The following MYO16 variants were observed in gnomAD, a reference collection of about 807,000 sequenced individuals.
MYO16 encodes the protein unconventional myosin-XVI.
In MYO16, 94 loss-of-function variants were observed where a neutral mutation model predicts 205.3. The observed-to-expected ratio is 0.46, with a 90% CI of 0.39 to 0.54. MYO16 has a LOEUF of 0.54. Among genes scored for constraint, MYO16 ranks in the 20% least tolerant of loss-of-function variants. The pLI, the probability that MYO16 is intolerant of heterozygous loss-of-function variation, is 0.00. For missense variants in MYO16, 2,315 were observed against 2,387.5 expected, an observed-to-expected ratio of 0.97 and a Z score of 0.63; for synonymous variants, 988 against 954.0, an observed-to-expected ratio of 1.04 and a Z score of -0.66.
At chr13:108,756,503 T>C (rs1270117342) in intron 4 of MYO16, among the ~76,000 whole-genome samples, 1 of 152,132 alleles carries the variant, frequency 6.6e-6, no homozygotes, top group East Asian at 1.9e-4. Flanking sequence ...ATAAATTATA[T>C]TCCTTCTTAA....
chr13:109,078,954 G>A (rs988730753), intron 27 of MYO16, among the ~76,000 whole-genome samples: 11 of 152,088 alleles, frequency 7.2e-5, no homozygotes, highest in Admixed American at 2.6e-4. Flanking sequence ...TCATATGCAC[G>A]TACTGATCTG....
intron 5 of MYO16, among the ~76,000 whole-genome samples, chr13:108,787,303 A>G (rs1886487657): frequency 6.6e-6 from 1 of 152,204 alleles, no homozygotes; most frequent in Non-Finnish European, 1.5e-5. Flanking sequence ...TATGTTGGTC[A>G]TACTGCAATG....
chr13:109,114,153 G>A (rs1875552800), intron 28 of MYO16, among the ~76,000 whole-genome samples: 1 of 152,126 alleles, frequency 6.6e-6, no homozygotes, highest in African/African-American at 2.4e-5. Context: ...AGGGGACCAG[G>A]TGAGCTTGTC....
At chr13:108,515,976 G>A in the MYO16 span, among the ~76,000 whole-genome samples, 38 of 124,748 alleles carry the variant, frequency 3.0e-4, no homozygotes, top group African/African-American at 1.0e-3. Context: ...GAGGCAGGCA[G>A]GCCTCCTTGA....
chr13:108,931,382 C>G (rs1167050244), intron 16 of MYO16, among the ~76,000 whole-genome samples: 2 of 152,192 alleles, frequency 1.3e-5, no homozygotes, highest in Admixed American at 6.5e-5. Flanking sequence ...TTGGTATACT[C>G]TTTCTTTTGC....
chr13:108,508,253 G>GA, the MYO16 span, among the ~76,000 whole-genome samples: 58,240 of 144,672 alleles, frequency 0.4, 12,231 homozygotes, highest in Non-Finnish European at 0.48. Flanking sequence ...TTGGGCATTT[G>GA]AAAAAAAAAA....
chr13:108,882,591 T>A (rs1879670487), intron 12 of MYO16, among the ~76,000 whole-genome samples: 1 of 152,242 alleles, frequency 6.6e-6, no homozygotes, highest in African/African-American at 2.4e-5. Context: ...ACCGTTTCTC[T>A]AAAATTAATT....
chr13:108,878,912 G>T (rs145898258), intron 12 of MYO16, among the ~76,000 whole-genome samples: 1 of 152,234 alleles, frequency 6.6e-6, no homozygotes, highest in Admixed American at 6.5e-5. Context: ...AACATGTAGG[G>T]TTGCACTGAA....
intron 32 of MYO16, among the ~76,000 whole-genome samples, chr13:109,155,393 T>G (rs924226509): frequency 2.0e-5 from 3 of 152,136 alleles, no homozygotes; most frequent in African/African-American, 7.2e-5. Flanking sequence ...GGTGATTTCA[T>G]AAGGGGTTAT....
At chr13:108,521,990 T>C in the MYO16 span, among the ~76,000 whole-genome samples, 1 of 152,222 alleles carries the variant, frequency 6.6e-6, no homozygotes, top group Non-Finnish European at 1.5e-5. Flanking sequence ...CAGTCTTTCT[T>C]CTCAATAGAA....
At chr13:108,510,111 GT>G in the MYO16 span, among the ~76,000 whole-genome samples, 4 of 152,058 alleles carry the variant, frequency 2.6e-5, no homozygotes, top group African/African-American at 9.7e-5. Context: ...TTTTTTGTTT[GT>G]TTGTTTTCGT....
At chr13:108,848,634 T>C (rs537349507) in intron 10 of MYO16, among the ~76,000 whole-genome samples, 2 of 152,110 alleles carry the variant, frequency 1.3e-5, no homozygotes, top group South Asian at 2.1e-4. Context: ...ACCCCATCTC[T>C]ACAAAATATT....
At chr13:109,192,938 A>G (rs1244927597) in intron 34 of MYO16, among the ~76,000 whole-genome samples, 3 of 152,210 alleles carry the variant, frequency 2.0e-5, no homozygotes, top group Non-Finnish European at 4.4e-5. Context: ...CATTTATAGC[A>G]CCTAAGTTTA....
intron 31 of MYO16, among the ~76,000 whole-genome samples, chr13:109,136,823 T>TTTTTTGTTTTTG (rs3042872): frequency 6.6e-6 from 1 of 151,990 alleles, no homozygotes; most frequent in African/African-American, 2.4e-5. Flanking sequence ...AGTTTAAGGT[T>TTTTTTGTTTTTG]TTTTTGTTTT....
chr13:108,730,769 A>T (rs183130336), intron 4 of MYO16, among the ~76,000 whole-genome samples: 390 of 152,268 alleles, frequency 2.6e-3, no homozygotes, highest in African/African-American at 9.0e-3. Flanking sequence ...GAGAAGTGTT[A>T]TATTGTTGTC....
chr13:109,104,997 G>A (rs547382295), intron 28 of MYO16, among the ~76,000 whole-genome samples: 52 of 152,228 alleles, frequency 3.4e-4, no homozygotes, highest in Non-Finnish European at 5.7e-4. Context: ...CCTCCATAGC[G>A]TGGGAACTCC....
At chr13:109,071,731 G>T (rs1211996552) in intron 27 of MYO16, among the ~76,000 whole-genome samples, 1 of 151,884 alleles carries the variant, frequency 6.6e-6, no homozygotes, top group Non-Finnish European at 1.5e-5. Context: ...AATTAACGAT[G>T]ACCTACACAT....
At chr13:108,587,715 C>T in the MYO16 span, among the ~76,000 whole-genome samples, 1 of 152,050 alleles carries the variant, frequency 6.6e-6, no homozygotes, top group East Asian at 1.9e-4. Context: ...ATATAACCAA[C>T]ATTTTTCACA....
intron 11 of MYO16, among the ~76,000 whole-genome samples, chr13:108,858,190 G>T (rs1373036024): frequency 1.3e-5 from 2 of 152,200 alleles, no homozygotes; most frequent in Non-Finnish European, 2.9e-5. Flanking sequence ...CCAGCAGTTT[G>T]TTGGTTTAAT....
Sources: allele counts gnomAD v4.1 joint callset (sites outside exome capture counted in the v4.1 genomes callset), GRCh38; gene constraint gnomAD v4.1.1; transcripts MANE v1.5; gene names NCBI Gene and HGNC (gene_info 2026-07-23, HGNC 2026-07-21).